Variants in COBL observed in about 807,000 individuals in gnomAD.
COBL encodes protein cordon-bleu.
In COBL, 51 loss-of-function variants were observed where a neutral mutation model predicts 98.8. That is an observed-to-expected ratio of 0.52 (90% CI 0.41 to 0.65). COBL has a LOEUF of 0.65. Among genes scored for constraint, COBL ranks in the 30% least tolerant of loss-of-function variants. The pLI is 0.00. For missense variants in COBL, 1,617 were observed against 1,617.5 expected, an observed-to-expected ratio of 1.00 and a Z score of 0.01; for synonymous variants, 634 against 651.7, an observed-to-expected ratio of 0.97 and a Z score of 0.41.
chr7:51,177,512 G>C (rs866187910), intron 5 of COBL, among the ~76,000 whole-genome samples: 23 of 152,110 alleles, frequency 1.5e-4, no homozygotes, highest in Admixed American at 1.3e-4. Flanking sequence ...AGTGGCTCAC[G>C]CCTGTAATCC....
At chr7:51,083,673 G>A (rs950466575) in intron 7 of COBL, among the ~76,000 whole-genome samples, 4 of 152,214 alleles carry the variant, frequency 2.6e-5, no homozygotes, top group Non-Finnish European at 4.4e-5. Flanking sequence ...ATTCTGGCTA[G>A]ATTAAGCATT....
chr7:51,214,270 T>TC (rs1792791917), intron 2 of COBL, among the ~76,000 whole-genome samples: 1 of 107,108 alleles, frequency 9.3e-6, no homozygotes, highest in African/African-American at 3.7e-5. Context: ...CTTCATCTAT[T>TC]AAAAATAAAT....
chr7:51,273,344 A>AG (rs1320282248), intron 1 of COBL, among the ~76,000 whole-genome samples: 228 of 151,814 alleles, frequency 1.5e-3, no homozygotes, highest in African/African-American at 5.3e-3. Context: ...AAAAAAAAAA[A>AG]AAGAAAAAGA....
intron 2 of COBL, among the ~76,000 whole-genome samples, chr7:51,195,596 T>C (rs1790518370): frequency 6.6e-6 from 1 of 152,240 alleles, no homozygotes; most frequent in African/African-American, 2.4e-5. Flanking sequence ...ATCTATAAAT[T>C]GCTTTGGGCA....
chr7:51,284,284 G>A (rs1800101264), intron 1 of COBL, among the ~76,000 whole-genome samples: 3 of 150,334 alleles, frequency 2.0e-5, no homozygotes, highest in East Asian at 4.0e-4. Context: ...CTGGGCAACA[G>A]AGCAAGACTC....
At chr7:51,056,906 G>T (rs1487849674) in intron 7 of COBL, among the ~76,000 whole-genome samples, 1 of 151,310 alleles carries the variant, frequency 6.6e-6, no homozygotes, top group African/African-American at 2.4e-5. Context: ...TCTGCAGTTT[G>T]TTACTTGTGA....
At chr7:51,107,948 C>G (rs1178139977) in intron 6 of COBL, among the ~76,000 whole-genome samples, 1 of 152,206 alleles carries the variant, frequency 6.6e-6, no homozygotes, top group Non-Finnish European at 1.5e-5. Context: ...CCCACTGATT[C>G]TTCCTCCTCC....
At chr7:51,180,465 T>C (rs1308890529) in intron 5 of COBL, among the ~76,000 whole-genome samples, 1 of 152,186 alleles carries the variant, frequency 6.6e-6, no homozygotes, top group Non-Finnish European at 1.5e-5. Context: ...ACAAGAGGCT[T>C]TTAAAAATCT....
At chr7:51,224,985 G>A (rs569453454) in intron 1 of COBL, among the ~76,000 whole-genome samples, 20 of 152,230 alleles carry the variant, frequency 1.3e-4, no homozygotes, top group Non-Finnish European at 2.1e-4. Context: ...CTGTGAGTGT[G>A]GGTGGACTGT....
chr7:51,300,254 G>C (rs1265947700), intron 1 of COBL, among the ~76,000 whole-genome samples: 1 of 152,088 alleles, frequency 6.6e-6, no homozygotes, highest in Non-Finnish European at 1.5e-5. Flanking sequence ...TCTGTCTCCT[G>C]GGTTCAAGCA....
intron 6 of COBL, among the ~76,000 whole-genome samples, chr7:51,127,020 C>T (rs1028667041): frequency 6.6e-6 from 1 of 152,132 alleles, no homozygotes; most frequent in Non-Finnish European, 1.5e-5. Context: ...GGGGACACCA[C>T]GGGGAACAAG....
chr7:51,209,796 C>T (rs1430762592), intron 2 of COBL, among the ~76,000 whole-genome samples: 1 of 152,062 alleles, frequency 6.6e-6, no homozygotes, highest in Admixed American at 6.5e-5. Context: ...ACTTGCTTTC[C>T]CTCTAATCCC....
At chr7:51,255,779 C>T (rs376616786) in intron 1 of COBL, among the ~76,000 whole-genome samples, 1 of 152,186 alleles carries the variant, frequency 6.6e-6, no homozygotes, top group East Asian at 1.9e-4. Context: ...TTCCGATGAC[C>T]TCACATCAAG....
chr7:51,312,539 A>T (rs866784524), intron 1 of COBL, among the ~76,000 whole-genome samples: 1 of 152,328 alleles, frequency 6.6e-6, no homozygotes, highest in South Asian at 2.1e-4. Context: ...ACAAAGCACA[A>T]AAGGCCTAGA....
intron 12 of COBL, among the ~76,000 whole-genome samples, chr7:51,020,734 G>A (rs779337719): frequency 2.6e-5 from 4 of 152,192 alleles, no homozygotes; most frequent in South Asian, 2.1e-4. Context: ...ACATGCAGCC[G>A]AGCTGCAAAT....
intron 5 of COBL, among the ~76,000 whole-genome samples, chr7:51,165,742 A>T (rs1325893829): frequency 6.6e-6 from 1 of 152,040 alleles, no homozygotes; most frequent in Non-Finnish European, 1.5e-5. Context: ...AAACATTTTT[A>T]AAAACTGAAA....
chr7:51,104,485 G>C (rs534632973), intron 6 of COBL, among the ~76,000 whole-genome samples: 1 of 152,158 alleles, frequency 6.6e-6, no homozygotes, highest in African/African-American at 2.4e-5. Flanking sequence ...TAACCTCTCT[G>C]TGCCTCAATT....
chr7:51,047,849 A>T (rs1487373313), intron 7 of COBL, among the ~76,000 whole-genome samples: 1 of 150,746 alleles, frequency 6.6e-6, no homozygotes, highest in Non-Finnish European at 1.5e-5. Flanking sequence ...AACTAGTGAT[A>T]CAAACTGACA....
intron 8 of COBL, 52 bp downstream of exon 8, chr7:51,043,331 G>A: frequency 6.5e-7 from 1 of 1,550,266 alleles, no homozygotes. Context: ...CCTCTTTAGA[G>A]ACACAGATGT....
Sources: allele counts gnomAD v4.1 joint callset (sites outside exome capture counted in the v4.1 genomes callset), GRCh38; gene constraint gnomAD v4.1.1; transcripts MANE v1.5; gene names NCBI Gene and HGNC (gene_info 2026-07-23, HGNC 2026-07-21).